CASK: variants seen among roughly 807,000 people sequenced by gnomAD.
CASK encodes peripheral plasma membrane protein CASK.
A neutral mutation model predicts 82.9 loss-of-function variants in CASK; 4 were observed. The observed-to-expected ratio is 0.05, with a 90% CI of 0.02 to 0.11. The LOEUF is 0.11. Among genes scored for constraint, CASK ranks in the 10% least tolerant of loss-of-function variants. The probability of loss-of-function intolerance (pLI) is 1.00; values close to 1 mark genes in which losing one functional copy is unlikely to be tolerated. For missense variants in CASK, 358 were observed against 720.9 expected, an observed-to-expected ratio of 0.50 and a Z score of 5.76; for synonymous variants, 259 against 253.5, an observed-to-expected ratio of 1.02 and a Z score of -0.20.
chrX:41,842,416 C>CA (rs1036119962), intron 2 of CASK, among the ~76,000 whole-genome samples: 45 of 108,552 alleles, frequency 4.1e-4, no homozygotes, highest in African/African-American at 1.2e-3. Flanking sequence ...ACTAATAATA[C>CA]AAAAAAAATA....
intron 12 of CASK, among the ~76,000 whole-genome samples, chrX:41,602,354 T>C (rs895269813): frequency 1.8e-5 from 2 of 112,078 alleles, no homozygotes; most frequent in African/African-American, 6.5e-5. Flanking sequence ...TTATTCTTTT[T>C]ATAATATTGT....
At chrX:41,741,884 C>T (rs979335137) in intron 4 of CASK, among the ~76,000 whole-genome samples, 1 of 111,839 alleles carries the variant, frequency 8.9e-6, no homozygotes, top group African/African-American at 3.2e-5. Flanking sequence ...CAGAGAAACT[C>T]AGCAATATAT....
chrX:41,868,351 G>A (rs910746131), intron 1 of CASK, among the ~76,000 whole-genome samples: 3 of 111,568 alleles, frequency 2.7e-5, no homozygotes, highest in African/African-American at 9.8e-5. Flanking sequence ...ATTTTTTTAG[G>A]CAGCTCCACT....
chrX:41,878,176 A>C (rs780362235), intron 1 of CASK, among the ~76,000 whole-genome samples: 4 of 110,745 alleles, frequency 3.6e-5, no homozygotes, highest in Non-Finnish European at 5.7e-5. Context: ...TAAAAAAAAA[A>C]AAACAGAAAA....
rs1339398003 is a variant in CASK at position 41,923,453 on chromosome X, G to A, written c.-465C>T. On this transcript the variant is annotated 5_prime_UTR_variant, in exon 1 of 27. Transcript: ENST00000378163. ...GGAGCGAGGATCGCCGCGGAGGGAG[G>A]TGGCGGCGGCGGCGGATCGGCGCTG... is the stretch of plus-strand genomic sequence containing the variant. The A allele has an allele frequency of 9.0e-6, 1 of 111,369 alleles. No individual in the cohort carries two copies. The highest frequency in any genetic ancestry group is 1.9e-5 in the Non-Finnish European group (1 of 52,744). 9.2% of individuals were successfully genotyped at this position (111,369 alleles called of 1,213,427 possible). A position where few individuals can be genotyped will look rare whatever the true frequency, so the allele number is the denominator to read the frequency against.
chrX:41,696,355 T>C, intron 5 of CASK: 1 of 1,173,168 alleles, frequency 8.5e-7, no homozygotes. Context: ...TATATTAAGA[T>C]TGGGAAGAAT....
At chrX:41,773,596 A>G (rs1027686883) in intron 3 of CASK, among the ~76,000 whole-genome samples, 18 of 111,028 alleles carry the variant, frequency 1.6e-4, no homozygotes, top group African/African-American at 5.6e-4. Context: ...ATATAGTCTG[A>G]TAAATGCATA....
intron 15 of CASK, among the ~76,000 whole-genome samples, chrX:41,576,343 G>A (rs1401134119): frequency 3.6e-5 from 4 of 111,027 alleles, no homozygotes; most frequent in East Asian, 2.8e-4. Context: ...GACTGCTTGA[G>A]AACTTAATGA....
In CASK at chrX:41,628,829, G is replaced by A. The variant is rs763159543; in HGVS notation, c.916-2126C>T. On this transcript the variant is annotated intron_variant, in intron 9 of 26. Coordinates refer to ENST00000378163, the MANE Select transcript of CASK (RefSeq NM_001367721.1). ...TTTATAAAAACTTATTTTACTTTAC[G>A]TATTATACATGTTTCCTAAAAGCTG... 1.7e-4 allele frequency among the ~76,000 whole-genome samples: 19 copies of A among 111,814 alleles called. No homozygotes were observed. The Admixed American group carries it at 1.8e-3, about 11-fold the overall frequency.
chrX:41,646,738 CTG>C (rs2066764856), intron 8 of CASK, among the ~76,000 whole-genome samples: 1 of 111,716 alleles, frequency 9.0e-6, no homozygotes, highest in Non-Finnish European at 1.9e-5. Flanking sequence ...TCCTTACACA[CTG>C]TTAGTAGGAA....
chrX:41,640,638 T>C (rs1490545932), intron 8 of CASK, among the ~76,000 whole-genome samples: 1 of 112,254 alleles, frequency 8.9e-6, no homozygotes, highest in Non-Finnish European at 1.9e-5. Context: ...CATCTTTTCC[T>C]GTGCTTATCT....
At chrX:41,813,580 T>C (rs1192496651) in intron 2 of CASK, among the ~76,000 whole-genome samples, 20 of 111,316 alleles carry the variant, frequency 1.8e-4, no homozygotes, top group Admixed American at 1.6e-3. Context: ...ACACCTTATA[T>C]AAAAATTAAT....
chrX:41,730,299 T>C (rs1452000688), intron 5 of CASK, among the ~76,000 whole-genome samples: 1 of 111,423 alleles, frequency 9.0e-6, no homozygotes. Context: ...TCACAGTACA[T>C]TGCCCAAGAG....
intron 3 of CASK, among the ~76,000 whole-genome samples, chrX:41,770,984 A>G (rs2069236033): frequency 1.8e-5 from 2 of 112,389 alleles, no homozygotes; most frequent in African/African-American, 6.5e-5. Flanking sequence ...ACATTTGAAG[A>G]AATAATGGCT....
chrX:41,578,326 C>A lies in CASK; in HGVS notation c.1503+14G>T, dbSNP rs2065513622. ...ATCTTATGAGAGTATTGAAAACTTT[C>A]TCTTCCTACTTACCATTGGTTCATC... On this transcript the variant is annotated intron_variant, in intron 15 of 26. Coordinates refer to ENST00000378163, the MANE Select transcript of CASK (RefSeq NM_001367721.1). 1.7e-6 allele frequency: 2 copies of A among 1,178,393 alleles called. No individual in the cohort carries two copies. Among genetic ancestry groups the A allele is most frequent in the East Asian group, 5.9e-5 (2 of 33,674 alleles).
intron 5 of CASK, among the ~76,000 whole-genome samples, chrX:41,738,730 A>G (rs938027892): frequency 1.3e-4 from 15 of 111,299 alleles, no homozygotes; most frequent in Admixed American, 1.3e-3. Context: ...GGGGCTCCCT[A>G]GTGATTCTGG....
At chrX:41,729,116 G>A (rs765979730) in intron 5 of CASK, 13 of 123,197 alleles carry the variant, frequency 1.1e-4, no homozygotes, top group African/African-American at 4.2e-4. Context: ...GAATAATAAG[G>A]GAGTGTAATA....
intron 5 of CASK, among the ~76,000 whole-genome samples, chrX:41,693,626 A>AAAAC (rs781393514): frequency 8.9e-6 from 1 of 111,833 alleles, no homozygotes. Context: ...AAAACAAAAC[A>AAAAC]AAACAAACAA....
At chrX:41,691,902 G>A (rs776585912) in intron 5 of CASK, among the ~76,000 whole-genome samples, 35 of 98,058 alleles carry the variant, frequency 3.6e-4, no homozygotes, top group African/African-American at 1.2e-3. Context: ...ATAACCTCTT[G>A]AACTTTCTTT....
Sources: allele counts gnomAD v4.1 joint callset (sites outside exome capture counted in the v4.1 genomes callset), GRCh38; gene constraint gnomAD v4.1.1; transcripts MANE v1.5; gene names NCBI Gene and HGNC (gene_info 2026-07-23, HGNC 2026-07-21).